Variants in PCTP observed in about 807,000 individuals in gnomAD.
PCTP encodes the protein START domain-containing protein 2.
PCTP carries 27 observed loss-of-function variants against 31.0 expected under a neutral mutation model. The ratio of observed to expected loss-of-function variants is 0.87; its 90% CI spans 0.64 to 1.20. The LOEUF (loss-of-function observed/expected upper bound fraction) is 1.20, where lower values mean the gene tolerates loss of function less well. Among genes scored for constraint, PCTP ranks in the 50% most tolerant of loss-of-function variants. The pLI, the probability that PCTP is intolerant of heterozygous loss-of-function variation, is 0.00. For missense variants in PCTP, 287 were observed against 268.2 expected (o/e 1.07, Z -0.49); for synonymous variants, 108 against 101.2 (o/e 1.07, Z -0.40).
chr17:55,751,591 C>A (rs1017761856), intron 1 of PCTP: 5 of 619,972 alleles, frequency 8.1e-6, no homozygotes, highest in African/African-American at 4.2e-5. Flanking sequence ...CTCTCCAATG[C>A]GTGTCAGTGG....
chr17:55,786,868 A>G (rs1420023063), intron 2 of PCTP, among the ~76,000 whole-genome samples: 1 of 152,162 alleles, frequency 6.6e-6, no homozygotes, highest in Non-Finnish European at 1.5e-5. Flanking sequence ...ACCATCAGCC[A>G]TGCTTCCAGG....
intron 3 of PCTP, among the ~76,000 whole-genome samples, chr17:55,799,729 T>C (rs995743783): frequency 1.3e-5 from 2 of 152,318 alleles, no homozygotes; most frequent in South Asian, 4.1e-4. Flanking sequence ...CCTTTCCATA[T>C]TTAGTGCTTC....
intron 5 of PCTP, among the ~76,000 whole-genome samples, chr17:55,839,649 G>A (rs558406642): frequency 1.3e-4 from 20 of 152,160 alleles, no homozygotes; most frequent in East Asian, 5.8e-4. Flanking sequence ...GGCCGGGCGC[G>A]GTGGCTCACG....
chr17:55,790,594 C>T (rs532371472), intron 3 of PCTP, among the ~76,000 whole-genome samples: 3 of 149,996 alleles, frequency 2.0e-5, no homozygotes, highest in African/African-American at 7.5e-5. Context: ...ATCCAACTTA[C>T]AAGGGATGTG....
chr17:55,835,195 C>T (rs929061643), intron 5 of PCTP, among the ~76,000 whole-genome samples: 3 of 152,266 alleles, frequency 2.0e-5, no homozygotes, highest in Non-Finnish European at 4.4e-5. Context: ...ACCAGCACCT[C>T]GATTTCAGAT....
chr17:55,832,137 A>C (rs1010705144), intron 5 of PCTP, among the ~76,000 whole-genome samples: 1 of 152,152 alleles, frequency 6.6e-6, no homozygotes, highest in Non-Finnish European at 1.5e-5. Flanking sequence ...AGCAAGCTTG[A>C]GTTTCTGTCT....
the PCTP span, among the ~76,000 whole-genome samples, chr17:55,849,779 A>G: frequency 1.3e-5 from 2 of 152,202 alleles, no homozygotes; most frequent in African/African-American, 2.4e-5. Flanking sequence ...AAACAAAACT[A>G]TAGACCAATA....
At chr17:55,762,200 G>A (rs1434070343) in intron 1 of PCTP, among the ~76,000 whole-genome samples, 1 of 152,182 alleles carries the variant, frequency 6.6e-6, no homozygotes. Context: ...CTCAGGTTTA[G>A]GATGGGCCAA....
At chr17:55,768,891 A>G (rs1910832742) in intron 2 of PCTP, 1 of 152,254 alleles carries the variant, frequency 6.6e-6, no homozygotes, top group African/African-American at 2.4e-5. Context: ...AGCCAAAGGC[A>G]CATAAAGCCT....
At chr17:55,831,019 G>C (rs1905576768) in intron 5 of PCTP, among the ~76,000 whole-genome samples, 1 of 152,226 alleles carries the variant, frequency 6.6e-6, no homozygotes, top group South Asian at 2.1e-4. Flanking sequence ...TTCCTGCCAG[G>C]TTTGCAGGGC....
downstream of PCTP, among the ~76,000 whole-genome samples, chr17:55,845,459 C>G (rs1906118047): frequency 6.6e-6 from 1 of 152,224 alleles, no homozygotes; most frequent in Non-Finnish European, 1.5e-5. Flanking sequence ...GCCTCAGCGA[C>G]TCTGCGGAGG....
chr17:55,800,222 G>A (rs1912328683), intron 3 of PCTP, among the ~76,000 whole-genome samples: 1 of 151,998 alleles, frequency 6.6e-6, no homozygotes, highest in Admixed American at 6.6e-5. Flanking sequence ...ATCAAATGGG[G>A]GTTTGGTCTT....
intron 1 of PCTP, among the ~76,000 whole-genome samples, chr17:55,751,752 T>C (rs1909730538): frequency 6.6e-6 from 1 of 152,150 alleles, no homozygotes; most frequent in African/African-American, 2.4e-5. Flanking sequence ...TTCTTTTGGT[T>C]GTTGCCCCTT....
At chr17:55,805,686 T>C (rs893625375) in intron 3 of PCTP, among the ~76,000 whole-genome samples, 1 of 113,914 alleles carries the variant, frequency 8.8e-6, no homozygotes, top group Non-Finnish European at 2.0e-5. Flanking sequence ...AAACACACAT[T>C]TAGTAAGAAT....
At chr17:55,840,086 G>T (rs531993390) in intron 5 of PCTP, among the ~76,000 whole-genome samples, 1 of 152,106 alleles carries the variant, frequency 6.6e-6, no homozygotes, top group East Asian at 1.9e-4. Flanking sequence ...ACCAGTCACC[G>T]TTGCCCAAAG....
Position 55,776,114 on chromosome 17 carries a change from G to C in PCTP, c.*14G>C. ...AAGAAAACCTAAGAAAGAGAACTGG[G>C]AACATTGCATCCATGGGTTGATGTC... On this transcript the variant is annotated 3_prime_UTR_variant, in exon 6 of 6. Transcript: ENST00000268896. 1 of 1,613,796 alleles carries C rather than the reference G, an allele frequency of 6.2e-7. No individual in the cohort carries two copies. Among genetic ancestry groups the C allele is most frequent in the South Asian group, 1.1e-5 (1 of 90,990 alleles).
downstream of PCTP, among the ~76,000 whole-genome samples, chr17:55,846,226 AT>A (rs1567738163): frequency 6.6e-6 from 1 of 152,002 alleles, no homozygotes; most frequent in Non-Finnish European, 1.5e-5. Flanking sequence ...AAAGATGAAA[AT>A]TTCCTGTTCT....
chr17:55,781,837 C>T (rs1173742616), downstream of PCTP, among the ~76,000 whole-genome samples: 3 of 152,144 alleles, frequency 2.0e-5, no homozygotes, highest in Admixed American at 1.3e-4. Flanking sequence ...TGTAAGTATA[C>T]ACTATGATGT....
downstream of PCTP, among the ~76,000 whole-genome samples, chr17:55,780,860 C>T (rs564002891): frequency 6.6e-6 from 1 of 152,262 alleles, no homozygotes; most frequent in South Asian, 2.1e-4. Context: ...GTTCTTGCCT[C>T]CTTCACCATG....
Sources: gnomAD v4.1 joint callset for allele counts (sites outside exome capture counted in the v4.1 genomes callset) on GRCh38, gnomAD v4.1.1 for gene constraint, MANE v1.5 for transcripts, NCBI Gene and HGNC (gene_info 2026-07-23, HGNC 2026-07-21) for gene names.